Variants in WDR1 observed in about 807,000 individuals in gnomAD.
WDR1 encodes WD repeat domain 1.
A neutral mutation model predicts 71.9 loss-of-function variants in WDR1; 21 were observed. That is an observed-to-expected ratio of 0.29 (90% confidence interval 0.21 to 0.42). The LOEUF (loss-of-function observed/expected upper bound fraction) is 0.42. Ranked by LOEUF, WDR1 falls within the 10% of genes least tolerant of loss-of-function variation. The pLI is 1.00. For synonymous variants in WDR1, 424 were observed against 347.4 expected (o/e 1.22, Z -2.45); for missense variants, 696 against 824.5 (o/e 0.84, Z 1.91).
chr4:10,092,948 TC>T, intron 5 of WDR1: 2 of 747,540 alleles, frequency 2.7e-6, no homozygotes, highest in South Asian at 2.9e-5. Context: ...CTGCCTGTCC[TC>T]CCTTGCAGCC....
At chr4:10,111,801 C>T (rs1039969175) in intron 2 of WDR1, among the ~76,000 whole-genome samples, 5 of 126,996 alleles carry the variant, frequency 3.9e-5, no homozygotes, top group African/African-American at 1.5e-4. Flanking sequence ...CCCTCCCCAA[C>T]CCCCCACTTG....
At chr4:10,082,901 G>T in intron 10 of WDR1, 121 bp downstream of exon 10, 1 of 1,277,542 alleles carries the variant, frequency 7.8e-7, no homozygotes, top group Non-Finnish European at 1.1e-6. Context: ...GCTGGGGACG[G>T]GGTGGGAGAG....
At position 10,103,190 on chromosome 4, in the gene WDR1, T is replaced by C. The variant is rs528213405; in HGVS notation, c.229+706A>G. Among the ~76,000 whole-genome samples the C allele has an allele frequency of 4.5e-4, 68 of 152,212 alleles. 1 individual carries two copies. In the Middle Eastern group the frequency reaches 0.017, roughly 38 times the overall value. On this transcript the variant is annotated intron_variant, in intron 3 of 14. Transcript: ENST00000499869. ...TACAAATAAAACGTGAGCGCTGGCC[T>C]GGAGGCCAGCATTGTGGTAGCACTG... is the stretch of plus-strand genomic sequence containing the variant.
At chr4:10,099,170 G>A (rs1215962665) in intron 3 of WDR1, 31 bp from the exon 4 acceptor site, 44 of 801,890 alleles carry the variant, frequency 5.5e-5, no homozygotes, top group Middle Eastern at 3.8e-4. Flanking sequence ...GGGAGGGGGG[G>A]AGGCGGTGGT....
rs146908106 is a variant in WDR1 at position 10,081,533 on chromosome 4, G to T, written c.1197-89C>A. ...ATATTTACTGTTAAACCACAGTTTT[G>T]CTCCTTAGAAGGCAATTCTATTGCC... On this transcript the variant is annotated intron_variant, in intron 10 of 14. Transcript: ENST00000499869. 2.5e-3 allele frequency: 3,217 copies of T among 1,301,640 alleles called. 82 individuals are homozygous for T. The Admixed American group carries it at 0.042, about 17-fold the overall frequency. The allele number at this position is 1,301,640 out of a possible 1,614,324, so 80.6% of individuals were successfully genotyped here. A position where few individuals can be genotyped will look rare whatever the true frequency, so the allele number is the denominator to read the frequency against.
intron 4 of WDR1, among the ~76,000 whole-genome samples, chr4:10,098,248 C>T (rs191646900): frequency 1.3e-5 from 2 of 152,224 alleles, no homozygotes; most frequent in Admixed American, 1.3e-4. Context: ...GAATGAGATG[C>T]CCTGCTCTTG....
intron 3 of WDR1, among the ~76,000 whole-genome samples, chr4:10,099,928 C>T (rs550798117): frequency 2.0e-5 from 3 of 152,196 alleles, no homozygotes; most frequent in African/African-American, 4.8e-5. Context: ...AGAAGCAACA[C>T]CGGGGGCCAC....
chr4:10,111,447 A>G (rs1560548246), intron 2 of WDR1, among the ~76,000 whole-genome samples: 2 of 152,188 alleles, frequency 1.3e-5, no homozygotes, highest in South Asian at 2.1e-4. Flanking sequence ...CTGAAGGCCT[A>G]GAGGTTCCTG....
chr4:10,107,017 G>C (rs1342349481), intron 2 of WDR1, among the ~76,000 whole-genome samples: 1 of 152,126 alleles, frequency 6.6e-6, no homozygotes, highest in African/African-American at 2.4e-5. Context: ...GAATGAGATT[G>C]GGGGTTGAGA....
chr4:10,087,475 C>T, intron 8 of WDR1, among the ~76,000 whole-genome samples: 1 of 152,254 alleles, frequency 6.6e-6, no homozygotes, highest in Non-Finnish European at 1.5e-5. Flanking sequence ...CTCTCCAGTT[C>T]TCACAGTAGC....
At chr4:10,102,884 T>A (rs1712765220) in intron 3 of WDR1, among the ~76,000 whole-genome samples, 1 of 152,088 alleles carries the variant, frequency 6.6e-6, no homozygotes, top group Non-Finnish European at 1.5e-5. Flanking sequence ...TCACTTGGCC[T>A]CCCTGGGCTG....
chr4:10,093,023 A>G, intron 5 of WDR1: 2 of 1,280,366 alleles, frequency 1.6e-6, no homozygotes, highest in Non-Finnish European at 2.0e-6. Context: ...ACTCCCTCCC[A>G]CCAATATGCT....
At chr4:10,076,611 C>G (rs1321323803) in intron 14 of WDR1, 1 of 152,410 alleles carries the variant, frequency 6.6e-6, no homozygotes. Flanking sequence ...TCCCTCTTTG[C>G]CTGTCCTGCA....
intron 3 of WDR1, among the ~76,000 whole-genome samples, chr4:10,100,059 A>G (rs1273694958): frequency 1.3e-5 from 2 of 152,222 alleles, no homozygotes; most frequent in African/African-American, 2.4e-5. Flanking sequence ...CTAACTCTCA[A>G]GGCTTCACGC....
intron 2 of WDR1, among the ~76,000 whole-genome samples, chr4:10,109,218 G>A (rs1025631037): frequency 6.6e-6 from 1 of 152,260 alleles, no homozygotes; most frequent in Non-Finnish European, 1.5e-5. Flanking sequence ...CCACCCAGCT[G>A]TTAAGTGGCA....
rs771118228 is a variant in WDR1 at position 10,097,691 on chromosome 4, CA to C, written c.558+19del. The C allele has an allele frequency of 1.3e-6, 2 of 1,599,844 alleles. No homozygotes were observed. Among genetic ancestry groups the C allele is most frequent in the Non-Finnish European group, 1.7e-6 (2 of 1,170,000 alleles). On this transcript the variant is annotated intron_variant, in intron 5 of 14. Coordinates refer to ENST00000499869, the MANE Select transcript of WDR1 (RefSeq NM_017491.5). ...TCATGTACAAACCACAAATTTCACC[CA>C]AAAAGTAAGTTCACTTACGCCAATT...
chr4:10,104,920 G>C (rs1001836081), intron 2 of WDR1, among the ~76,000 whole-genome samples: 1 of 152,096 alleles, frequency 6.6e-6, no homozygotes, highest in East Asian at 1.9e-4. Flanking sequence ...GACCCCACCT[G>C]CTGCCACCCC....
intron 11 of WDR1, among the ~76,000 whole-genome samples, chr4:10,079,789 G>C (rs1764945246): frequency 6.6e-6 from 1 of 152,206 alleles, no homozygotes; most frequent in Non-Finnish European, 1.5e-5. Flanking sequence ...ATGAATGGTA[G>C]CAGCACCCTG....
intron 5 of WDR1, among the ~76,000 whole-genome samples, chr4:10,091,146 C>T (rs573337341): frequency 3.9e-5 from 6 of 152,384 alleles, no homozygotes; most frequent in South Asian, 4.1e-4. Flanking sequence ...GGAGATGGAA[C>T]GGGGAACACA....
Sources: allele counts gnomAD v4.1 joint callset (sites outside exome capture counted in the v4.1 genomes callset), GRCh38; gene constraint gnomAD v4.1.1; transcripts MANE v1.5; gene names NCBI Gene and HGNC (gene_info 2026-07-23, HGNC 2026-07-21).